Variants in SLC10A7 observed in about 807,000 individuals in gnomAD.
SLC10A7 encodes sodium/bile acid cotransporter 7.
Under a neutral mutation model 43.2 loss-of-function variants are expected in SLC10A7, and 29 were observed. That is an observed-to-expected ratio of 0.67 (90% CI 0.50 to 0.92). SLC10A7 has a LOEUF of 0.92. SLC10A7 is among the 40% of genes least tolerant of loss of function. SLC10A7 has a pLI of 0.00. For synonymous variants in SLC10A7, 152 were observed against 144.8 expected, an observed-to-expected ratio of 1.05 and a Z score of -0.35; for missense variants, 295 against 403.2, an observed-to-expected ratio of 0.73 and a Z score of 2.30.
chr4:146,451,231 C>CGAAAA (rs1553975777), intron 4 of SLC10A7, among the ~76,000 whole-genome samples: 1 of 71,690 alleles, frequency 1.4e-5, no homozygotes, highest in East Asian at 4.4e-4. Flanking sequence ...AGTCTCCCAC[C>CGAAAA]AAAAAAAAAA....
intron 4 of SLC10A7, among the ~76,000 whole-genome samples, chr4:146,503,522 G>A (rs574441611): frequency 1.3e-5 from 2 of 152,212 alleles, no homozygotes; most frequent in East Asian, 3.9e-4. Flanking sequence ...CGCCATACTG[G>A]ATGCCCTCAG....
At chr4:146,404,474 TTA>T (rs1200148512) in intron 5 of SLC10A7, among the ~76,000 whole-genome samples, 13 of 114,814 alleles carry the variant, frequency 1.1e-4, no homozygotes, top group African/African-American at 4.1e-4. Context: ...TGCTGCTCAT[TTA>T]TGTGTGTGTG....
intron 5 of SLC10A7, among the ~76,000 whole-genome samples, chr4:146,361,157 T>C (rs937377679): frequency 2.0e-5 from 3 of 152,152 alleles, no homozygotes; most frequent in South Asian, 2.1e-4. Flanking sequence ...TCTTCTCCAC[T>C]AGATGAAAAC....
At chr4:146,443,869 A>G (rs1265389182) in intron 4 of SLC10A7, among the ~76,000 whole-genome samples, 1 of 152,136 alleles carries the variant, frequency 6.6e-6, no homozygotes, top group Non-Finnish European at 1.5e-5. Context: ...AGCTTTGATA[A>G]TTTCATTAGA....
chr4:146,272,035 C>T (rs1341123643), intron 10 of SLC10A7, among the ~76,000 whole-genome samples: 3 of 152,140 alleles, frequency 2.0e-5, no homozygotes, highest in African/African-American at 7.2e-5. Context: ...CTTATTCCCA[C>T]TAGAAATTTT....
rs151097877 is a variant in SLC10A7, at chr4:146,503,209, G to C, written c.396+640C>G. ...TCAATAACATCTTTTTTCTGAATGA[G>C]AGAATATAAGTAGAAAAGGAGAAAT... On this transcript the variant is annotated intron_variant, in intron 4 of 11. Transcript: ENST00000335472. Among the ~76,000 whole-genome samples the C allele has an allele frequency of 5.5e-3, 843 of 152,230 alleles. 5 individuals carry two copies. Among genetic ancestry groups the C allele is most frequent in the South Asian group, 0.016 (79 of 4,812 alleles).
chr4:146,258,173 T>A (rs1727995316), intron 11 of SLC10A7, among the ~76,000 whole-genome samples: 1 of 152,238 alleles, frequency 6.6e-6, no homozygotes, highest in African/African-American at 2.4e-5. Flanking sequence ...GAAATTAACA[T>A]TGCATGGACT....
At chr4:146,519,032 A>G (rs1453394746) in intron 1 of SLC10A7, among the ~76,000 whole-genome samples, 1 of 136,054 alleles carries the variant, frequency 7.4e-6, no homozygotes, top group East Asian at 2.0e-4. Context: ...CTTGTTCGAT[A>G]TATGGACAGA....
At chr4:146,280,187 TAC>T (rs936541530) in intron 10 of SLC10A7, among the ~76,000 whole-genome samples, 48 of 152,314 alleles carry the variant, frequency 3.2e-4, no homozygotes, top group African/African-American at 1.1e-3. Flanking sequence ...TACACATATA[TAC>T]ACACACATAT....
chr4:146,423,503 T>G (rs1044470846), intron 5 of SLC10A7, among the ~76,000 whole-genome samples: 1 of 152,212 alleles, frequency 6.6e-6, no homozygotes, highest in East Asian at 1.9e-4. Flanking sequence ...CCTAATTATA[T>G]GATAGGATTT....
At chr4:146,475,768 C>A (rs960597937) in intron 4 of SLC10A7, among the ~76,000 whole-genome samples, 2 of 152,180 alleles carry the variant, frequency 1.3e-5, no homozygotes, top group Non-Finnish European at 2.9e-5. Flanking sequence ...ACCTTTCAAT[C>A]CATCACGAAC....
At chr4:146,465,728 C>T (rs1262163107) in intron 4 of SLC10A7, among the ~76,000 whole-genome samples, 1 of 152,088 alleles carries the variant, frequency 6.6e-6, no homozygotes. Context: ...CATCAGGTAA[C>T]AATTGGACTG....
chr4:146,369,725 C>T (rs1036598759), intron 5 of SLC10A7, among the ~76,000 whole-genome samples: 1 of 152,114 alleles, frequency 6.6e-6, no homozygotes, highest in African/African-American at 2.4e-5. Flanking sequence ...ATAACATAGC[C>T]TAGGAATCCC....
intron 5 of SLC10A7, among the ~76,000 whole-genome samples, chr4:146,376,957 GA>G (rs145201475): frequency 0.021 from 3,241 of 152,268 alleles, 102 homozygotes; most frequent in African/African-American, 0.074. Flanking sequence ...GTAACTTGAG[GA>G]ATGCTGAGAA....
intron 5 of SLC10A7, among the ~76,000 whole-genome samples, chr4:146,377,607 G>C (rs1737295725): frequency 1.3e-5 from 2 of 152,072 alleles, no homozygotes; most frequent in Admixed American, 6.5e-5. Context: ...GGTTGTTCAG[G>C]GACCCAGAAC....
chr4:146,346,439 T>C (rs566669433), intron 5 of SLC10A7, among the ~76,000 whole-genome samples: 1 of 152,252 alleles, frequency 6.6e-6, no homozygotes, highest in African/African-American at 2.4e-5. Flanking sequence ...TATCTAGAAC[T>C]AGATAGTACA....
intron 3 of SLC10A7, among the ~76,000 whole-genome samples, chr4:146,508,009 A>T (rs1737084091): frequency 6.6e-6 from 1 of 152,242 alleles, no homozygotes; most frequent in Non-Finnish European, 1.5e-5. Flanking sequence ...ACATGTTGTT[A>T]TTCGCTTGTT....
chr4:146,377,580 C>A (rs1737294253), intron 5 of SLC10A7, among the ~76,000 whole-genome samples: 1 of 152,210 alleles, frequency 6.6e-6, no homozygotes, highest in Admixed American at 6.5e-5. Context: ...CTCATTATCA[C>A]TCTGGAGATT....
intron 5 of SLC10A7, among the ~76,000 whole-genome samples, chr4:146,348,358 C>T (rs1734774454): frequency 6.6e-6 from 1 of 152,178 alleles, no homozygotes; most frequent in Non-Finnish European, 1.5e-5. Flanking sequence ...AAAGCTTTCA[C>T]TGGGATTTCA....
Sources: allele counts gnomAD v4.1 joint callset (sites outside exome capture counted in the v4.1 genomes callset), GRCh38; gene constraint gnomAD v4.1.1; transcripts MANE v1.5; gene names NCBI Gene and HGNC (gene_info 2026-07-23, HGNC 2026-07-21).